Variants in WDR82 observed in about 807,000 individuals in gnomAD.
The protein encoded by WDR82 is WD repeat-containing protein 82.
In WDR82, 8 loss-of-function variants were observed where a neutral mutation model predicts 36.1. The ratio of observed to expected loss-of-function variants is 0.22; its 90% CI spans 0.13 to 0.40. The LOEUF is 0.40. WDR82 is among the 10% of genes least tolerant of loss of function. The probability of loss-of-function intolerance (pLI) is 1.00; values close to 1 mark genes in which losing one functional copy is unlikely to be tolerated. For synonymous variants in WDR82, 129 were observed against 137.8 expected, an observed-to-expected ratio of 0.94 and a Z score of 0.45; for missense variants, 185 against 400.5, an observed-to-expected ratio of 0.46 and a Z score of 4.59.
chr3:52,276,834 C>T (rs1045076659), intron 1 of WDR82, among the ~76,000 whole-genome samples: 8 of 152,236 alleles, frequency 5.3e-5, no homozygotes, highest in South Asian at 2.1e-4. Flanking sequence ...CACTGCAGAC[C>T]ACTCTGCCAC....
chr3:52,265,566 CT>C lies in WDR82; in HGVS notation c.326+1385del, dbSNP rs959125432. Among the ~76,000 whole-genome samples, 873 of 120,736 alleles carry C rather than the reference CT, an allele frequency of 7.2e-3. 2 individuals carry two copies. Among genetic ancestry groups the C allele is most frequent in the African/African-American group, 0.018 (569 of 31,518 alleles). 79.2% of individuals were successfully genotyped at this position (120,736 alleles called of 152,430 possible). A position where few individuals can be genotyped will look rare whatever the true frequency, so the allele number is the denominator to read the frequency against. On this transcript the variant is annotated intron_variant, in intron 3 of 8. Coordinates refer to ENST00000296490, the MANE Select transcript of WDR82 (RefSeq NM_025222.4). Reference sequence around the variant, plus strand: ...ATGGCCTGCCCAACTGGAAGTGCAACTTTTTTTTTTTTTTTTTTTTTTTGAG... The same window carrying C: ...ATGGCCTGCCCAACTGGAAGTGCAACTTTTTTTTTTTTTTTTTTTTTTGAG...
At chr3:52,267,558 C>T (rs546187100) in intron 2 of WDR82, 1 of 152,612 alleles carries the variant, frequency 6.6e-6, no homozygotes. Flanking sequence ...CAATTGGACA[C>T]ACAAATTACA....
chr3:52,259,075 T>C, intron 7 of WDR82, 122 bp downstream of exon 7: 1 of 1,144,132 alleles, frequency 8.7e-7, no homozygotes, highest in Non-Finnish European at 1.3e-6. Flanking sequence ...CTTGGCATAA[T>C]GTGCTATACA....
chr3:52,267,932 A>C (rs981696108), intron 2 of WDR82: 1 of 158,594 alleles, frequency 6.3e-6, no homozygotes, highest in African/African-American at 2.4e-5. Context: ...CCATAGAAAG[A>C]ACATTCTGAA....
chr3:52,276,055 G>C (rs1357087833), intron 1 of WDR82, among the ~76,000 whole-genome samples: 1 of 152,160 alleles, frequency 6.6e-6, no homozygotes, highest in Admixed American at 6.6e-5. Flanking sequence ...TTGAAACACT[G>C]TAACTTTGTT....
chr3:52,269,850 C>G (rs1014818258), intron 2 of WDR82, among the ~76,000 whole-genome samples: 1 of 152,166 alleles, frequency 6.6e-6, no homozygotes, highest in Non-Finnish European at 1.5e-5. Context: ...GGATTTATCT[C>G]GAGACATGCA....
At chr3:52,267,841 A>G (rs1273887190) in intron 2 of WDR82, 2 of 154,346 alleles carry the variant, frequency 1.3e-5, no homozygotes, top group African/African-American at 4.8e-5. Flanking sequence ...GAAAAGTATT[A>G]TCCCCTTAAA....
At chr3:52,273,153 G>A (rs59565798) in intron 1 of WDR82, among the ~76,000 whole-genome samples, 38,896 of 152,100 alleles carry the variant, frequency 0.26, 6,148 homozygotes, top group East Asian at 0.36. Context: ...GAAACTGGCC[G>A]GGCGCAGTGG....
In WDR82 at chr3:52,261,425, A is replaced by G; in HGVS notation, c.381T>C (p.Leu127=). Residue 127 remains leucine (L), a synonymous_variant, in exon 4 of 9, where the codon CTT becomes CTC. Transcript: ENST00000296490. ...PVDDTFISGS[L]DKTIRLWDLR... Reference sequence around the variant, plus strand: ...GATCCCAGAGTCGAATGGTCTTATCAAGAGACCCAGAAATGAAAGTGTCAT... The same window carrying G: ...GATCCCAGAGTCGAATGGTCTTATCGAGAGACCCAGAAATGAAAGTGTCAT... 6.2e-7 allele frequency: 1 copy of G among 1,613,844 alleles called. No individual in the cohort carries two copies.
chr3:52,271,159 T>C (rs1344195100), intron 1 of WDR82, among the ~76,000 whole-genome samples: 2 of 152,238 alleles, frequency 1.3e-5, no homozygotes, highest in African/African-American at 2.4e-5. Context: ...CATAGGGTAA[T>C]GGTCTCATAA....
At chr3:52,273,860 G>T (rs1366056991) in intron 1 of WDR82, among the ~76,000 whole-genome samples, 1 of 152,132 alleles carries the variant, frequency 6.6e-6, no homozygotes, top group Non-Finnish European at 1.5e-5. Flanking sequence ...TGACCCAGGC[G>T]ATCCACCCGC....
chr3:52,260,916 G>A (rs1700055705), intron 4 of WDR82, among the ~76,000 whole-genome samples: 1 of 152,230 alleles, frequency 6.6e-6, no homozygotes, highest in South Asian at 2.1e-4. Flanking sequence ...AGGATCACCT[G>A]AGGTCAGGAG....
intron 1 of WDR82, among the ~76,000 whole-genome samples, chr3:52,271,608 G>C (rs1700154802): frequency 6.6e-6 from 1 of 151,676 alleles, no homozygotes; most frequent in African/African-American, 2.4e-5. Flanking sequence ...TTTCAAGACG[G>C]CAGTGATTCC....
At chr3:52,272,682 T>TGG (rs1352600234) in intron 1 of WDR82, among the ~76,000 whole-genome samples, 1 of 152,202 alleles carries the variant, frequency 6.6e-6, no homozygotes, top group African/African-American at 2.4e-5. Flanking sequence ...ATTTAGTTCT[T>TGG]TAGAAAGATT....
chr3:52,266,627 G>A (rs1700109267), intron 3 of WDR82, among the ~76,000 whole-genome samples: 1 of 152,054 alleles, frequency 6.6e-6, no homozygotes, highest in South Asian at 2.1e-4. Flanking sequence ...TAGTAGAGAT[G>A]GGGTTTTGAC....
At chr3:52,259,545 G>A (rs1311778158) in intron 6 of WDR82, among the ~76,000 whole-genome samples, 172 bp downstream of exon 6, 2 of 152,204 alleles carry the variant, frequency 1.3e-5, no homozygotes, top group Non-Finnish European at 2.9e-5. Context: ...GGTGAGAAAT[G>A]AACATCTACG....
chr3:52,278,373 G>A lies in WDR82; in HGVS notation c.-12C>T, dbSNP rs374937164. 4 of 1,530,754 alleles carry A rather than the reference G, an allele frequency of 2.6e-6. No homozygotes were observed. In the African/African-American group the frequency reaches 5.7e-5, roughly 22 times the overall value. The allele number at this position is 1,530,754 out of a possible 1,614,324, so 94.8% of individuals were successfully genotyped here. A position where few individuals can be genotyped will look rare whatever the true frequency, so the allele number is the denominator to read the frequency against. ...TCGGTCAGCTTCATGGCGGCGGCTG[G>A]GGAAGGCAGCGGCGGCGCAGGGCCG... On this transcript the variant is annotated 5_prime_UTR_variant, in exon 1 of 9. Transcript: ENST00000296490.
rs148786989 is a variant in WDR82 at position 52,264,280 on chromosome 3, G to A, written c.326+2672C>T. Among the ~76,000 whole-genome samples the A allele has an allele frequency of 5.9e-3, 901 of 152,278 alleles. 12 individuals carry two copies. The highest frequency in any genetic ancestry group is 0.021 in the African/African-American group (855 of 41,534). On this transcript the variant is annotated intron_variant, in intron 3 of 8. Coordinates refer to ENST00000296490, the MANE Select transcript of WDR82 (RefSeq NM_025222.4). The stretch of plus-strand genomic sequence containing the variant: ...CTGAATGGAGGTAAATGAAATCAGC[G>A]ATGGAGATAAGAAAGCGGATAAAAT...
intron 3 of WDR82, among the ~76,000 whole-genome samples, chr3:52,265,777 T>C (rs1339463432): frequency 1.3e-5 from 2 of 152,102 alleles, no homozygotes; most frequent in African/African-American, 4.8e-5. Context: ...GGTTTCACCA[T>C]GTTGCCTAGC....
Sources: allele counts gnomAD v4.1 joint callset (sites outside exome capture counted in the v4.1 genomes callset), GRCh38; gene constraint gnomAD v4.1.1; transcripts MANE v1.5; gene names NCBI Gene and HGNC (gene_info 2026-07-23, HGNC 2026-07-21).